The following DACH2 variants were observed in gnomAD, a reference collection of about 807,000 sequenced individuals.
The protein encoded by DACH2 is dachshund homolog 2.
Under a neutral mutation model 35.8 loss-of-function variants are expected in DACH2, and 17 were observed. The ratio of observed to expected loss-of-function variants is 0.48; its 90% CI spans 0.33 to 0.71. The LOEUF is 0.71. Among genes scored for constraint, DACH2 ranks in the 30% least tolerant of loss-of-function variants. The pLI is 0.02. For missense variants in DACH2, 469 were observed against 472.7 expected, an observed-to-expected ratio of 0.99 and a Z score of 0.07; for synonymous variants, 195 against 177.3, an observed-to-expected ratio of 1.10 and a Z score of -0.79.
At chrX:86,154,740 C>A (rs918220937) in intron 1 of DACH2, among the ~76,000 whole-genome samples, 5 of 111,424 alleles carry the variant, frequency 4.5e-5, no homozygotes, top group Admixed American at 2.9e-4. Flanking sequence ...CAGATGGATT[C>A]TCTGCTCGGT....
Position 86,188,228 on chromosome X carries a change from T to C in DACH2, c.488+39120T>C, listed in dbSNP as rs113068992. 8.9e-3 allele frequency among the ~76,000 whole-genome samples: 992 copies of C among 111,759 alleles called. 9 individuals are homozygous for C. Among genetic ancestry groups the C allele is most frequent in the African/African-American group, 0.031 (941 of 30,756 alleles). On this transcript the variant is annotated intron_variant, in intron 1 of 11. Transcript: ENST00000373125. ...TCTAAGACCATTTTCTTTTCACTGGTCCCCAGTCTAATTGCTGTAAATTAA... is the reference window on the plus strand; with the variant it reads ...TCTAAGACCATTTTCTTTTCACTGGCCCCCAGTCTAATTGCTGTAAATTAA...
chrX:86,546,394 T>TCTTCTTCTTC (rs2038965200), intron 3 of DACH2, among the ~76,000 whole-genome samples: 1 of 76,970 alleles, frequency 1.3e-5, no homozygotes, highest in African/African-American at 5.8e-5. Context: ...TTCTTCTTCT[T>TCTTCTTCTTC]CTTCTTCTTC....
intron 4 of DACH2, among the ~76,000 whole-genome samples, chrX:86,664,421 G>T (rs752816358): frequency 9.0e-6 from 1 of 111,152 alleles, no homozygotes; most frequent in African/African-American, 3.3e-5. Flanking sequence ...AAAGGAATGA[G>T]GAAAAGCATC....
intron 6 of DACH2, among the ~76,000 whole-genome samples, chrX:86,733,254 C>T (rs1876833719): frequency 9.0e-6 from 1 of 111,480 alleles, no homozygotes; most frequent in Admixed American, 9.6e-5. Flanking sequence ...GTGTTTCCAA[C>T]ATAAACTATT....
intron 1 of DACH2, among the ~76,000 whole-genome samples, chrX:86,293,822 G>A (rs892261680): frequency 9.0e-6 from 1 of 110,788 alleles, no homozygotes; most frequent in African/African-American, 3.3e-5. Context: ...TCCCTTTGAG[G>A]GTAACCCTAT....
intron 4 of DACH2, among the ~76,000 whole-genome samples, chrX:86,687,382 TAAGGAAAC>T (rs1429499502): frequency 1.8e-5 from 2 of 111,313 alleles, no homozygotes; most frequent in African/African-American, 6.5e-5. Context: ...CATTAAAAAG[TAAGGAAAC>T]AACAGATGCT....
intron 2 of DACH2, among the ~76,000 whole-genome samples, chrX:86,395,825 G>A (rs1272747030): frequency 1.1e-4 from 12 of 111,825 alleles, no homozygotes; most frequent in Non-Finnish European, 2.3e-4. Context: ...CTTTGCTATT[G>A]TGAATAGTGT....
chrX:86,347,498 T>C (rs2035518026), intron 1 of DACH2, among the ~76,000 whole-genome samples: 1 of 112,845 alleles, frequency 8.9e-6, no homozygotes, highest in Non-Finnish European at 1.9e-5. Flanking sequence ...ATTCAGCTCA[T>C]TTGTAAAGTT....
At chrX:86,675,750 T>TG (rs981894299) in intron 4 of DACH2, among the ~76,000 whole-genome samples, 1 of 111,085 alleles carries the variant, frequency 9.0e-6, no homozygotes, top group Non-Finnish European at 1.9e-5. Context: ...ATTAAGAGTT[T>TG]TTTTTTCTTT....
chrX:86,335,683 G>T (rs763068099), intron 1 of DACH2, among the ~76,000 whole-genome samples: 85 of 111,903 alleles, frequency 7.6e-4, no homozygotes, highest in African/African-American at 2.5e-3. Flanking sequence ...ATGCAATCAT[G>T]TATTCTGCAA....
intron 3 of DACH2, among the ~76,000 whole-genome samples, chrX:86,532,590 C>T (rs2038738580): frequency 9.0e-6 from 1 of 110,558 alleles, no homozygotes; most frequent in South Asian, 3.9e-4. Flanking sequence ...GCCTCCTCAG[C>T]CATACAGAGC....
intron 3 of DACH2, among the ~76,000 whole-genome samples, chrX:86,644,609 A>G (rs2040392411): frequency 8.9e-6 from 1 of 111,889 alleles, no homozygotes; most frequent in Non-Finnish European, 1.9e-5. Flanking sequence ...ATAGCCAAGG[A>G]AATTCTAAGC....
intron 3 of DACH2, among the ~76,000 whole-genome samples, chrX:86,543,255 A>G (rs2038911160): frequency 8.9e-6 from 1 of 111,904 alleles, no homozygotes; most frequent in South Asian, 3.7e-4. Flanking sequence ...AGGAAATGAT[A>G]CTAGTCGACT....
intron 1 of DACH2, among the ~76,000 whole-genome samples, chrX:86,365,673 T>C (rs1246920578): frequency 9.0e-6 from 1 of 111,579 alleles, no homozygotes. Context: ...AGCTTTTATC[T>C]GGATAGTTAT....
chrX:86,534,246 G>A (rs2038764680), intron 3 of DACH2, among the ~76,000 whole-genome samples: 1 of 111,550 alleles, frequency 9.0e-6, no homozygotes, highest in Non-Finnish European at 1.9e-5. Context: ...TCATAGTATG[G>A]CAACAGTTTT....
intron 7 of DACH2, among the ~76,000 whole-genome samples, chrX:86,778,620 C>CT (rs1184977355): frequency 2.7e-5 from 3 of 110,303 alleles, no homozygotes; most frequent in Admixed American, 1.9e-4. Context: ...TTTTCTTTTT[C>CT]TTTTTTTTGA....
chrX:86,816,710 TCAA>T (rs1190652067), intron 11 of DACH2, among the ~76,000 whole-genome samples: 20 of 111,792 alleles, frequency 1.8e-4, no homozygotes, highest in Non-Finnish European at 3.6e-4. Context: ...ATGAAACAAA[TCAA>T]TATAGAGTCT....
intron 4 of DACH2, among the ~76,000 whole-genome samples, chrX:86,672,907 C>A (rs2040781436): frequency 8.9e-6 from 1 of 111,777 alleles, no homozygotes; most frequent in African/African-American, 3.3e-5. Flanking sequence ...GGAAAAGCGG[C>A]AGACATTTAA....
At chrX:86,300,023 A>G in intron 1 of DACH2, among the ~76,000 whole-genome samples, 1 of 111,669 alleles carries the variant, frequency 9.0e-6, no homozygotes, top group Non-Finnish European at 1.9e-5. Flanking sequence ...AGTGTTTAGC[A>G]TTTCTATGTG....
Sources: gnomAD v4.1 joint callset for allele counts (sites outside exome capture counted in the v4.1 genomes callset) on GRCh38, gnomAD v4.1.1 for gene constraint, MANE v1.5 for transcripts, NCBI Gene and HGNC (gene_info 2026-07-23, HGNC 2026-07-21) for gene names.